PPARGC1A: variants seen among roughly 807,000 people sequenced by gnomAD.
PPARGC1A encodes the protein PPARG coactivator 1 alpha, also known as peroxisome proliferator-activated receptor gamma coactivator 1-alpha.
Under a neutral mutation model 88.7 loss-of-function variants are expected in PPARGC1A, and 25 were observed. The ratio of observed to expected loss-of-function variants is 0.28; its 90% CI spans 0.21 to 0.39. The LOEUF is 0.39. Among genes scored for constraint, PPARGC1A ranks in the 10% least tolerant of loss-of-function variants. The pLI, the probability that PPARGC1A is intolerant of heterozygous loss-of-function variation, is 1.00. For missense variants in PPARGC1A, 880 were observed against 968.7 expected, an observed-to-expected ratio of 0.91 and a Z score of 1.22; for synonymous variants, 363 against 355.6, an observed-to-expected ratio of 1.02 and a Z score of -0.24.
the PPARGC1A span, among the ~76,000 whole-genome samples, chr4:24,102,571 A>C: frequency 6.6e-6 from 1 of 152,366 alleles, no homozygotes; most frequent in Non-Finnish European, 1.5e-5. Flanking sequence ...TGCATTTAAC[A>C]GCAAAGAGAT....
chr4:24,436,827 G>C, the PPARGC1A span, among the ~76,000 whole-genome samples: 4 of 137,008 alleles, frequency 2.9e-5, no homozygotes, highest in African/African-American at 8.4e-5. Flanking sequence ...CCGGGTCACA[G>C]AGCTGACATC....
At chr4:24,153,960 G>A in the PPARGC1A span, among the ~76,000 whole-genome samples, 1 of 152,144 alleles carries the variant, frequency 6.6e-6, no homozygotes, top group Non-Finnish European at 1.5e-5. Context: ...GAAAGGAGAA[G>A]AGAGTACAGG....
the PPARGC1A span, among the ~76,000 whole-genome samples, chr4:24,198,605 C>A: frequency 6.6e-6 from 1 of 152,198 alleles, no homozygotes; most frequent in Non-Finnish European, 1.5e-5. Flanking sequence ...TCCTAACAAA[C>A]CCTTTAGCAA....
the PPARGC1A span, among the ~76,000 whole-genome samples, chr4:23,961,234 T>G: frequency 6.6e-6 from 1 of 152,082 alleles, no homozygotes; most frequent in Admixed American, 6.6e-5. Flanking sequence ...TGATTTAGGT[T>G]TAATCTCCCT....
the PPARGC1A span, among the ~76,000 whole-genome samples, chr4:24,438,860 C>G: frequency 6.6e-6 from 1 of 151,276 alleles, no homozygotes; most frequent in Non-Finnish European, 1.5e-5. Flanking sequence ...TATTTTTGAC[C>G]CTGTGTCTCA....
the PPARGC1A span, among the ~76,000 whole-genome samples, chr4:24,420,874 A>G: frequency 1.3e-5 from 2 of 152,210 alleles, no homozygotes; most frequent in Non-Finnish European, 2.9e-5. Context: ...TGGGAAGTCC[A>G]TGATCAAAGC....
chr4:24,383,341 G>A, the PPARGC1A span, among the ~76,000 whole-genome samples: 7 of 152,076 alleles, frequency 4.6e-5, no homozygotes, highest in Non-Finnish European at 7.4e-5. Context: ...AAAACTCCTC[G>A]CCAGCAAGGG....
the PPARGC1A span, among the ~76,000 whole-genome samples, chr4:24,036,618 T>TA: frequency 3.7e-3 from 551 of 147,648 alleles, 2 homozygotes; most frequent in African/African-American, 8.8e-3. Flanking sequence ...CTTTTTGTAG[T>TA]AAAAAAAAAA....
chr4:23,873,227 A>AAAAAAAAAAAAAAAAT (rs1713948506), intron 2 of PPARGC1A, among the ~76,000 whole-genome samples: 1 of 148,074 alleles, frequency 6.8e-6, no homozygotes, highest in Non-Finnish European at 1.5e-5. Flanking sequence ...TAAAAAATAA[A>AAAAAAAAAAAAAAAAT]GAAAAAAATG....
the PPARGC1A span, among the ~76,000 whole-genome samples, chr4:24,427,139 A>G: frequency 6.6e-6 from 1 of 152,190 alleles, no homozygotes; most frequent in African/African-American, 2.4e-5. Flanking sequence ...TCCCATAGTA[A>G]GGTCAATTTT....
the PPARGC1A span, among the ~76,000 whole-genome samples, chr4:24,352,147 G>A: frequency 6.6e-6 from 1 of 152,132 alleles, no homozygotes; most frequent in South Asian, 2.1e-4. Context: ...GGAGGCGAGA[G>A]GCCAGGAGAA....
chr4:24,215,857 C>T, the PPARGC1A span, among the ~76,000 whole-genome samples: 1 of 152,162 alleles, frequency 6.6e-6, no homozygotes, highest in South Asian at 2.1e-4. Flanking sequence ...TGAGAATGTG[C>T]TCTCCTATAG....
chr4:23,832,625 T>A (rs1231096375), intron 2 of PPARGC1A, among the ~76,000 whole-genome samples: 113 of 151,048 alleles, frequency 7.5e-4, no homozygotes, highest in African/African-American at 2.6e-3. Flanking sequence ...TTTTTTTTTT[T>A]TTGAGACAGG....
the PPARGC1A span, among the ~76,000 whole-genome samples, chr4:24,333,114 C>G: frequency 4.0e-5 from 6 of 151,876 alleles, no homozygotes; most frequent in African/African-American, 1.5e-4. Flanking sequence ...TGGTGACACG[C>G]GCCTGTAATC....
the PPARGC1A span, among the ~76,000 whole-genome samples, chr4:24,378,610 G>T: frequency 6.6e-6 from 1 of 152,110 alleles, no homozygotes. Context: ...AAAGATGGTG[G>T]TTATAAATGA....
At chr4:23,862,692 G>C (rs1306921139) in intron 2 of PPARGC1A, among the ~76,000 whole-genome samples, 3 of 152,188 alleles carry the variant, frequency 2.0e-5, no homozygotes, top group African/African-American at 7.2e-5. Flanking sequence ...GTTGAGTCCA[G>C]TGCTGGGCAA....
At chr4:24,253,853 C>T in the PPARGC1A span, among the ~76,000 whole-genome samples, 10 of 152,300 alleles carry the variant, frequency 6.6e-5, no homozygotes, top group African/African-American at 2.2e-4. Flanking sequence ...TCCATGCATT[C>T]ATTCACTCAT....
At chr4:24,293,562 C>G in the PPARGC1A span, among the ~76,000 whole-genome samples, 1 of 88,028 alleles carries the variant, frequency 1.1e-5, no homozygotes, top group Non-Finnish European at 2.2e-5. Flanking sequence ...CCCCTTACCC[C>G]TACCCCTTCC....
chr4:24,011,510 A>G, the PPARGC1A span, among the ~76,000 whole-genome samples: 3 of 152,198 alleles, frequency 2.0e-5, no homozygotes, highest in African/African-American at 7.2e-5. Context: ...AACGTTGCTT[A>G]GTTTTCCAGT....
Sources: allele counts gnomAD v4.1 joint callset (sites outside exome capture counted in the v4.1 genomes callset), GRCh38; gene constraint gnomAD v4.1.1; transcripts MANE v1.5; gene names NCBI Gene and HGNC (gene_info 2026-07-23, HGNC 2026-07-21).